Variants in ZNF33A observed in about 807,000 individuals in gnomAD.
ZNF33A encodes zinc finger protein 33A.
ZNF33A carries 9 observed loss-of-function variants against 15.9 expected under a neutral mutation model. That is an observed-to-expected ratio of 0.57 (90% CI 0.34 to 0.99). The LOEUF (loss-of-function observed/expected upper bound fraction) is 0.99. ZNF33A is among the 50% of genes least tolerant of loss of function. ZNF33A has a pLI of 0.02. For synonymous variants in ZNF33A, 294 were observed against 324.2 expected, an observed-to-expected ratio of 0.91 and a Z score of 1.00; for missense variants, 843 against 941.6, an observed-to-expected ratio of 0.90 and a Z score of 1.37.
intron 4 of ZNF33A, among the ~76,000 whole-genome samples, chr10:38,022,657 C>A (rs374254131): frequency 2.9e-3 from 259 of 90,630 alleles, no homozygotes; most frequent in Middle Eastern, 6.2e-3. Context: ...AACTCTGTCT[C>A]AAAAAAAAAA....
At chr10:38,052,767 T>C (rs1451018736) in intron 4 of ZNF33A, among the ~76,000 whole-genome samples, 1 of 152,056 alleles carries the variant, frequency 6.6e-6, no homozygotes, top group African/African-American at 2.4e-5. Flanking sequence ...TTGTCCAGAG[T>C]ACTTTTTCTT....
intron 4 of ZNF33A, among the ~76,000 whole-genome samples, chr10:38,022,999 G>A (rs1002995941): frequency 6.6e-6 from 1 of 152,144 alleles, no homozygotes; most frequent in Non-Finnish European, 1.5e-5. Flanking sequence ...AGGCTGGAGT[G>A]CAGTGGTGTA....
chr10:38,018,743 A>G (rs1249124288), intron 4 of ZNF33A, among the ~76,000 whole-genome samples: 1 of 152,144 alleles, frequency 6.6e-6, no homozygotes, highest in Non-Finnish European at 1.5e-5. Context: ...AAGTGGGGCA[A>G]TAACAAAAGA....
intron 4 of ZNF33A, among the ~76,000 whole-genome samples, chr10:38,050,335 A>G (rs1219149567): frequency 6.6e-6 from 1 of 152,216 alleles, no homozygotes; most frequent in Non-Finnish European, 1.5e-5. Flanking sequence ...AGGCTTTTTC[A>G]ACATTTGAAA....
chr10:38,046,057 C>G (rs1564865294), intron 4 of ZNF33A, among the ~76,000 whole-genome samples: 1 of 152,154 alleles, frequency 6.6e-6, no homozygotes, highest in East Asian at 1.9e-4. Context: ...TTGTACTCCG[C>G]TATTCTCAGA....
chr10:38,047,190 C>CAAAAAAAAAAAAA (rs61278605), intron 4 of ZNF33A, among the ~76,000 whole-genome samples: 66 of 64,010 alleles, frequency 1.0e-3, no homozygotes, highest in South Asian at 2.1e-3. Context: ...CCACCCCTGC[C>CAAAAAAAAAAAAA]AAAAAAAAAA....
At chr10:38,060,201 A>C (rs1307407111), downstream of ZNF33A, 1 of 677,026 alleles carries the variant, frequency 1.5e-6, no homozygotes. Context: ...TGTGACCTGA[A>C]ATTAAGGACT....
chr10:38,067,449 C>T (rs72793738), downstream of ZNF33A, among the ~76,000 whole-genome samples: 3,402 of 152,274 alleles, frequency 0.022, 67 homozygotes, highest in Non-Finnish European at 0.032. Flanking sequence ...ATCCTTTTGA[C>T]TCGAGTTCAA....
chr10:38,010,775 G>C lies in ZNF33A; in HGVS notation c.-53G>C, dbSNP rs577416013. On this transcript the variant is annotated 5_prime_UTR_variant, in exon 1 of 5. Coordinates refer to ENST00000432900, the MANE Select transcript of ZNF33A (RefSeq NM_006954.2). ...TTCTATGGCGAATGCAACCCGACGAGGGAGTGGGGTAAGCCCCAGTGGGTT... is the reference window on the plus strand; with the variant it reads ...TTCTATGGCGAATGCAACCCGACGACGGAGTGGGGTAAGCCCCAGTGGGTT... 15 of 1,598,484 alleles carry C rather than the reference G, an allele frequency of 9.4e-6. No individual in the cohort carries two copies. In the East Asian group the frequency reaches 3.1e-4, roughly 33 times the overall value.
intron 2 of ZNF33A, among the ~76,000 whole-genome samples, chr10:38,016,526 G>A (rs1479887521): frequency 6.6e-6 from 1 of 152,098 alleles, no homozygotes; most frequent in Non-Finnish European, 1.5e-5. Context: ...TCAAAACAGA[G>A]CCAACTTTGC....
In ZNF33A at chr10:38,055,114, A is replaced by G. The variant is rs1469314248; in HGVS notation, c.990A>G (p.Glu330=). 6.2e-7 allele frequency: 1 copy of G among 1,613,992 alleles called. No individual in the cohort carries two copies. The highest frequency in any genetic ancestry group is 1.3e-5 in the African/African-American group (1 of 74,906). ...QKGDKGEKHF[E]CNECGKAFWE... is the part of the protein sequence containing the mutation. Reference sequence around the variant, plus strand: ...GTGATAAAGGAGAGAAACACTTTGAATGTAATGAATGTGGGAAAGCTTTCT... The same window carrying G: ...GTGATAAAGGAGAGAAACACTTTGAGTGTAATGAATGTGGGAAAGCTTTCT... Residue 330 remains glutamate (E), a synonymous_variant, in exon 5 of 5, where the codon GAA becomes GAG. Coordinates refer to ENST00000432900, the MANE Select transcript of ZNF33A (RefSeq NM_006954.2).
chr10:38,062,454 C>A (rs1392923214), downstream of ZNF33A, among the ~76,000 whole-genome samples: 2 of 152,196 alleles, frequency 1.3e-5, no homozygotes, highest in Non-Finnish European at 2.9e-5. Flanking sequence ...AACTCAACAC[C>A]TAACGGCATG....
chr10:38,037,419 G>A (rs1032696086), intron 4 of ZNF33A, among the ~76,000 whole-genome samples: 2 of 151,918 alleles, frequency 1.3e-5, no homozygotes, highest in East Asian at 1.9e-4. Flanking sequence ...TGCCCCCTGG[G>A]TTCACGCAAG....
intron 2 of ZNF33A, chr10:38,016,039 C>A: frequency 8.1e-7 from 1 of 1,229,142 alleles, no homozygotes; most frequent in African/African-American, 1.6e-5. Context: ...CGCTGTACTC[C>A]ACAGAGGTTT....
At chr10:38,031,485 G>A (rs556042140) in intron 4 of ZNF33A, among the ~76,000 whole-genome samples, 4 of 150,540 alleles carry the variant, frequency 2.7e-5, no homozygotes, top group Admixed American at 1.3e-4. Context: ...TAGGAGGATC[G>A]CTTGAGCCCA....
chr10:38,045,798 T>C (rs983924531), intron 4 of ZNF33A, among the ~76,000 whole-genome samples: 11 of 152,156 alleles, frequency 7.2e-5, no homozygotes, highest in African/African-American at 2.7e-4. Flanking sequence ...GACCTTAGGC[T>C]TGCACTCACC....
At chr10:38,047,975 A>G (rs1160017180) in intron 4 of ZNF33A, among the ~76,000 whole-genome samples, 2 of 152,186 alleles carry the variant, frequency 1.3e-5, no homozygotes, top group East Asian at 3.9e-4. Flanking sequence ...TTGATAGCAG[A>G]TTTCTCCTTA....
intron 4 of ZNF33A, among the ~76,000 whole-genome samples, chr10:38,040,528 C>G (rs1426141368): frequency 1.3e-5 from 2 of 151,968 alleles, no homozygotes; most frequent in African/African-American, 4.8e-5. Flanking sequence ...ATTGATTGAC[C>G]CTTTTATTGT....
In ZNF33A at chr10:38,057,831, A is replaced by G. The variant is rs1164556963; in HGVS notation, c.*1271A>G. 8 of 985,320 alleles carry G rather than the reference A, an allele frequency of 8.1e-6. No homozygotes were observed. The highest frequency in any genetic ancestry group is 8.4e-6 in the Non-Finnish European group (7 of 829,960). The allele number at this position is 985,320 out of a possible 1,614,324, so 61.0% of individuals were successfully genotyped here. ...CCAAGACAGGGCCCTGGAAAGGCCC[A>G]CACATACAGCCCAGGGCTGCCCAGG... On this transcript the variant is annotated 3_prime_UTR_variant, in exon 5 of 5. Transcript: ENST00000432900.
Sources: gnomAD v4.1 joint callset for allele counts (sites outside exome capture counted in the v4.1 genomes callset) on GRCh38, gnomAD v4.1.1 for gene constraint, MANE v1.5 for transcripts, NCBI Gene and HGNC (gene_info 2026-07-23, HGNC 2026-07-21) for gene names.